Variants in MCMBP observed in about 807,000 individuals in gnomAD.
MCMBP encodes minichromosome maintenance complex binding protein, also known as mini-chromosome maintenance complex-binding protein.
Under a neutral mutation model 81.3 loss-of-function variants are expected in MCMBP, and 31 were observed. That is an observed-to-expected ratio of 0.38 (90% CI 0.29 to 0.51). The LOEUF is 0.51. MCMBP is among the 20% of genes least tolerant of loss of function. The pLI is 0.87. For missense variants in MCMBP, 645 were observed against 772.1 expected (o/e 0.84, Z 1.95); for synonymous variants, 267 against 275.9 (o/e 0.97, Z 0.32).
intron 12 of MCMBP, among the ~76,000 whole-genome samples, chr10:119,838,056 G>A (rs1017654648): frequency 2.0e-5 from 3 of 151,562 alleles, no homozygotes; most frequent in South Asian, 2.1e-4. Flanking sequence ...ATACAACTAC[G>A]CAAAAGAACC....
chr10:119,830,287 G>A lies in MCMBP; in HGVS notation c.*1187C>T, dbSNP rs1410517161. On this transcript the variant is annotated 3_prime_UTR_variant, in exon 16 of 16. Transcript: ENST00000369077. ...TTTGATACCACTGACAGCTTAAAAA[G>A]TAATGTCCTAACCTTTCTGAAGATT... 1 of 152,612 alleles carries A rather than the reference G, an allele frequency of 6.6e-6. No homozygotes were observed. Among genetic ancestry groups the A allele is most frequent in the Middle Eastern group, 3.2e-3 (1 of 316 alleles). 9.5% of individuals were successfully genotyped at this position (152,612 alleles called of 1,614,324 possible).
chr10:119,842,388 C>CAT (rs2134353812), intron 10 of MCMBP, 84 bp downstream of exon 10: 1 of 1,480,728 alleles, frequency 6.8e-7, no homozygotes, highest in East Asian at 2.3e-5. Flanking sequence ...AAGGAAAACA[C>CAT]ACAAATGACA....
chr10:119,856,558 A>C (rs1213383999), intron 5 of MCMBP, among the ~76,000 whole-genome samples: 2 of 152,180 alleles, frequency 1.3e-5, no homozygotes, highest in Non-Finnish European at 1.5e-5. Flanking sequence ...GACTAGAAAA[A>C]GGCAGAAAGG....
At chr10:119,852,906 G>T in intron 6 of MCMBP, 144 bp downstream of exon 6, 1 of 955,566 alleles carries the variant, frequency 1.0e-6, no homozygotes, top group Non-Finnish European at 1.6e-6. Flanking sequence ...TCTCATCAGA[G>T]TACTGTAAAA....
At chr10:119,842,767 C>T (rs1589781715) in intron 9 of MCMBP, 172 bp from the exon 10 acceptor site, 8 of 487,482 alleles carry the variant, frequency 1.6e-5, no homozygotes, top group South Asian at 8.0e-5. Context: ...TTGCATCCTC[C>T]TTTTTTTTTT....
At chr10:119,852,203 G>T (rs1466918102) in intron 6 of MCMBP, among the ~76,000 whole-genome samples, 1 of 140,074 alleles carries the variant, frequency 7.1e-6, no homozygotes, top group Non-Finnish European at 1.5e-5. Flanking sequence ...CAATCTTGCA[G>T]ATAGTAAATG....
intron 1 of MCMBP, among the ~76,000 whole-genome samples, chr10:119,863,015 T>A (rs1412345681): frequency 1.3e-5 from 2 of 152,260 alleles, no homozygotes; most frequent in East Asian, 3.8e-4. Context: ...GTTTTTAAAT[T>A]ACTGCTGTGT....
Position 119,872,695 on chromosome 10 carries a change from G to T in MCMBP, c.-111C>A. The T allele has an allele frequency of 4.9e-6, 2 of 408,750 alleles. No homozygotes were observed. Among genetic ancestry groups the T allele is most frequent in the Non-Finnish European group, 3.5e-6 (1 of 282,624 alleles). The allele number at this position is 408,750 out of a possible 1,614,324, so 25.3% of individuals were successfully genotyped here. A position where few individuals can be genotyped will look rare whatever the true frequency, so the allele number is the denominator to read the frequency against. On this transcript the variant is annotated 5_prime_UTR_variant, in exon 1 of 16. Coordinates refer to ENST00000369077, the MANE Select transcript of MCMBP (RefSeq NM_001256378.2). ...TCAGCGGCTCGGCCGCTCCTCGCCC[G>T]CGTTCGCTCGCGCCCTCCCACGCAC...
At position 119,838,282 on chromosome 10, in the gene MCMBP, TATATATTATATAAG is replaced by T. The variant is rs200612032; in HGVS notation, c.1408+239_1408+252del. Reference sequence around the variant, plus strand: ...ATGAGACATTATATATTATATATGATATATATTATATAAGATATATTATATAAGATATATATCTG... The same window carrying T: ...ATGAGACATTATATATTATATATGATATATATTATATAAGATATATATCTG... On this transcript the variant is annotated intron_variant, in intron 12 of 15. Transcript: ENST00000369077. Among the ~76,000 whole-genome samples the T allele has an allele frequency of 8.8e-3, 1,302 of 148,248 alleles. 15 individuals are homozygous for T. Among genetic ancestry groups the T allele is most frequent in the Non-Finnish European group, 8.5e-3 (571 of 67,304 alleles).
intron 5 of MCMBP, among the ~76,000 whole-genome samples, chr10:119,855,722 C>T (rs560477437): frequency 2.2e-4 from 33 of 150,670 alleles, no homozygotes; most frequent in African/African-American, 8.0e-4. Context: ...CCAAAAAGAA[C>T]AAAATAAAGC....
rs1189329920 is a variant in MCMBP at position 119,829,764 on chromosome 10, T to G, written c.*1710A>C. The G allele has an allele frequency of 6.6e-6, 1 of 152,182 alleles. No homozygotes were observed. The highest frequency in any genetic ancestry group is 1.5e-5 in the Non-Finnish European group (1 of 68,028). 9.4% of individuals were successfully genotyped at this position (152,182 alleles called of 1,614,324 possible). ...ACAGATCACATGGGATGGTGAATCT[T>G]CTTACTCATGAAAAACAGCCCAAGG... is the stretch of plus-strand genomic sequence containing the variant. On this transcript the variant is annotated 3_prime_UTR_variant, in exon 16 of 16. Transcript: ENST00000369077.
chr10:119,837,133 T>G, intron 12 of MCMBP, 104 bp from the exon 13 acceptor site: 1 of 1,209,278 alleles, frequency 8.3e-7, no homozygotes, highest in Admixed American at 2.0e-5. Context: ...CCACTTTTAA[T>G]AAAGGGTATG....
At chr10:119,864,852 C>A (rs932358483) in intron 1 of MCMBP, among the ~76,000 whole-genome samples, 1 of 152,158 alleles carries the variant, frequency 6.6e-6, no homozygotes, top group Non-Finnish European at 1.5e-5. Flanking sequence ...TCACAATATT[C>A]AAAGCTTTCC....
chr10:119,866,898 G>C (rs1454430742), intron 1 of MCMBP, among the ~76,000 whole-genome samples: 2 of 152,090 alleles, frequency 1.3e-5, no homozygotes, highest in Non-Finnish European at 2.9e-5. Flanking sequence ...GGGAGGTAGA[G>C]GTTGCAGTGA....
At chr10:119,855,103 G>C (rs1013459379) in intron 5 of MCMBP, among the ~76,000 whole-genome samples, 1 of 152,102 alleles carries the variant, frequency 6.6e-6, no homozygotes, top group Admixed American at 6.6e-5. Context: ...AGTATGTTGT[G>C]AGCTGTATAA....
chr10:119,844,407 C>A (rs1290369942), intron 8 of MCMBP, among the ~76,000 whole-genome samples: 1 of 152,162 alleles, frequency 6.6e-6, no homozygotes, highest in Non-Finnish European at 1.5e-5. Flanking sequence ...TTCCATAGTA[C>A]GTACCATGTG....
intron 5 of MCMBP, among the ~76,000 whole-genome samples, chr10:119,856,475 T>C (rs560388162): frequency 6.6e-6 from 1 of 152,332 alleles, no homozygotes; most frequent in African/African-American, 2.4e-5. Flanking sequence ...TGAGTCCATT[T>C]AGATGTCATT....
At chr10:119,843,522 C>T (rs1210465200) in intron 8 of MCMBP, 96 bp from the exon 9 acceptor site, 5 of 1,207,708 alleles carry the variant, frequency 4.1e-6, no homozygotes, top group Non-Finnish European at 5.7e-6. Flanking sequence ...GAGTTAAAGC[C>T]AAGAATATTT....
chr10:119,835,248 TAACTA>T (rs777302253), intron 14 of MCMBP, among the ~76,000 whole-genome samples: 4 of 152,226 alleles, frequency 2.6e-5, no homozygotes, highest in South Asian at 2.1e-4. Context: ...AAATTAAAAA[TAACTA>T]AACAAACTGG....
Sources: allele counts gnomAD v4.1 joint callset (sites outside exome capture counted in the v4.1 genomes callset), GRCh38; gene constraint gnomAD v4.1.1; transcripts MANE v1.5; gene names NCBI Gene and HGNC (gene_info 2026-07-23, HGNC 2026-07-21).